Variants in DNAH2 observed in about 807,000 individuals in gnomAD.
DNAH2 encodes axonemal beta dynein heavy chain 2.
A neutral mutation model predicts 523.5 loss-of-function variants in DNAH2; 323 were observed. That is an observed-to-expected ratio of 0.62 (90% confidence interval 0.56 to 0.68). DNAH2 has a LOEUF of 0.68. DNAH2 is among the 30% of genes least tolerant of loss of function. The probability of loss-of-function intolerance (pLI) is 0.00; values close to 1 mark genes in which losing one functional copy is unlikely to be tolerated. For missense variants in DNAH2, 4,907 were observed against 5,701.5 expected (o/e 0.86, Z 4.49); for synonymous variants, 2,093 against 2,177.4 (o/e 0.96, Z 1.08).
In DNAH2 at chr17:7,832,034, A is replaced by C. The variant is rs918302146; in HGVS notation, c.12726+259A>C. 4.6e-5 allele frequency among the ~76,000 whole-genome samples: 7 copies of C among 152,032 alleles called. No homozygotes were observed. The highest frequency in any genetic ancestry group is 1.7e-4 in the African/African-American group (7 of 41,358). On this transcript the variant is annotated intron_variant, in intron 82 of 85. Coordinates refer to ENST00000572933, the MANE Select transcript of DNAH2 (RefSeq NM_020877.5). This position sits in a 1 kb window ranked among gnomAD's most constrained non-coding sequence, Gnocchi z 4.3. ...AGAGATTCCCAGTATTGTGCCTACCACTCAGTAGGTGCTTCATCAATGCTA... is the reference window on the plus strand; with the variant it reads ...AGAGATTCCCAGTATTGTGCCTACCCCTCAGTAGGTGCTTCATCAATGCTA...
chr17:7,810,516 G>A (rs1471936144), intron 63 of DNAH2, among the ~76,000 whole-genome samples: 1 of 152,090 alleles, frequency 6.6e-6, no homozygotes, highest in African/African-American at 2.4e-5. Flanking sequence ...AGCCTCCCGA[G>A]TAGCTGGGAT....
chr17:7,817,357 T>A lies in DNAH2; in HGVS notation c.9962T>A (p.Met3321Lys). 2 of 1,612,784 alleles carry A rather than the reference T, an allele frequency of 1.2e-6. No homozygotes were observed. Among genetic ancestry groups the A allele is most frequent in the Non-Finnish European group, 1.7e-6 (2 of 1,179,688 alleles). ...CTGGCAGCTGCCTTCCTGTCCTACA[T>A]GGGACCCTTCCTGACCAACTACCGG... ...CLLAAAFLSY[M>K]GPFLTNYRDE... is the part of the protein sequence containing the mutation. The change falls in exon 65 of 86, where the codon ATG becomes AAG. Residue 3321 changes from methionine to lysine, a missense_variant. Transcript: ENST00000572933.
rs150974332 is a variant in DNAH2, at chr17:7,818,937, C to T, written c.10689C>T (p.Thr3563=). 205 of 1,612,100 alleles carry T rather than the reference C, an allele frequency of 1.3e-4. No individual in the cohort carries two copies. The African/African-American group carries it at 1.4e-3, about 11-fold the overall frequency. The change falls in exon 71 of 86, where the codon ACC becomes ACT. Residue 3563 remains threonine, a synonymous_variant. Coordinates refer to ENST00000572933, the MANE Select transcript of DNAH2 (RefSeq NM_020877.5). The part of the protein sequence containing the change: ...DEILRLLNEA[T]GSLLDDVQLV... ...CCCCTAGGCTGCTGAATGAGGCCAC[C>T]GGCTCCCTGCTGGATGATGTGCAGC...
At position 7,828,839 on chromosome 17, in the gene DNAH2, TA is replaced by T. The variant is rs772478247; in HGVS notation, c.11854-1456del. Among the ~76,000 whole-genome samples, 31 of 152,216 alleles carry T rather than the reference TA, an allele frequency of 2.0e-4. No individual in the cohort carries two copies. The highest frequency in any genetic ancestry group is 3.7e-4 in the Non-Finnish European group (25 of 68,028). ...TCTTGATGTCATAAGTGGCATTTTT[TA>T]AAAAGTCATGTTATTTTTGTTACTG... On this transcript the variant is annotated intron_variant, in intron 77 of 85. Coordinates refer to ENST00000572933, the MANE Select transcript of DNAH2 (RefSeq NM_020877.5). This position sits in a 1 kb window ranked among gnomAD's most constrained non-coding sequence, Gnocchi z 4.1.
chr17:7,727,059 G>A, intron 3 of DNAH2, 63 bp from the exon 4 acceptor site: 4 of 1,468,406 alleles, frequency 2.7e-6, no homozygotes, highest in Non-Finnish European at 3.6e-6. Flanking sequence ...TGTGATTGTG[G>A]ATGGGAGGAA....
In DNAH2 at chr17:7,770,941, C is replaced by G. The variant is rs770818112; in HGVS notation, c.4362+8C>G. On this transcript the variant is annotated splice_region_variant and intron_variant, in intron 27 of 85. Transcript: ENST00000572933. Reference sequence around the variant, plus strand: ...CAGTGGATGTACTTAGAGGTCAGGACTCAGCGCCTGAGCTCTTCCTGCTTC... The same window carrying G: ...CAGTGGATGTACTTAGAGGTCAGGAGTCAGCGCCTGAGCTCTTCCTGCTTC... 3 of 1,612,136 alleles carry G rather than the reference C, an allele frequency of 1.9e-6. No homozygotes were observed. Among genetic ancestry groups the G allele is most frequent in the Non-Finnish European group, 2.5e-6 (3 of 1,179,310 alleles).
Position 7,780,975 on chromosome 17 carries a change from G to A in DNAH2, c.6004-67G>A. 1 of 1,609,996 alleles carries A rather than the reference G, an allele frequency of 6.2e-7. No individual in the cohort carries two copies. On this transcript the variant is annotated intron_variant, in intron 38 of 85. Transcript: ENST00000572933. The surrounding 1 kb of genome is among the most constrained non-coding windows in gnomAD (Gnocchi z 4.4). ...CATTGTTCTTGGCACGTGCCCCGAAGCCCTTTGGAGGTGAAAGGCCTAGGC... is the reference window on the plus strand; with the variant it reads ...CATTGTTCTTGGCACGTGCCCCGAAACCCTTTGGAGGTGAAAGGCCTAGGC...
intron 4 of DNAH2, among the ~76,000 whole-genome samples, chr17:7,728,752 A>G (rs1427527322): frequency 6.6e-6 from 1 of 152,192 alleles, no homozygotes; most frequent in Non-Finnish European, 1.5e-5. Context: ...CGGGAGGCCG[A>G]GGCAGGCTGA....
rs771081074 is a variant in DNAH2, at chr17:7,733,185, C to T, written c.498C>T (p.Pro166=). Residue 166 remains proline, a synonymous_variant, in exon 5 of 86, where the codon CCC becomes CCT. Coordinates refer to ENST00000572933, the MANE Select transcript of DNAH2 (RefSeq NM_020877.5). The part of the protein sequence containing the change: ...ATVQFGTVRG[P]YIPALLRLLG... ...TGCAGTTTGGGACGGTGCGGGGCCC[C>T]TATATCCCGGCCCTGCTTCGGCTGC... 5.6e-6 allele frequency: 9 copies of T among 1,614,064 alleles called. No homozygotes were observed. The highest frequency in any genetic ancestry group is 7.6e-6 in the Non-Finnish European group (9 of 1,180,042).
intron 16 of DNAH2, 33 bp downstream of exon 16, chr17:7,759,643 C>T (rs982202942): frequency 6.2e-7 from 1 of 1,605,816 alleles, no homozygotes; most frequent in African/African-American, 1.3e-5. Flanking sequence ...CATCTCAAAA[C>T]CATTGCATCT....
intron 3 of DNAH2, among the ~76,000 whole-genome samples, chr17:7,725,934 G>C (rs924345816): frequency 3.9e-5 from 6 of 151,928 alleles, no homozygotes; most frequent in African/African-American, 1.5e-4. Flanking sequence ...CTTCTTCCAG[G>C]AGGAAAGATG....
At chr17:7,795,865 G>A (rs1305958759) in intron 49 of DNAH2, among the ~76,000 whole-genome samples, 4 of 147,696 alleles carry the variant, frequency 2.7e-5, no homozygotes, top group Non-Finnish European at 4.5e-5. Context: ...GGGCGTGGTG[G>A]TGGACACCTG....
chr17:7,818,723 C>T lies in DNAH2; in HGVS notation c.10617C>T (p.Ile3539=), dbSNP rs759458468. ...ELEEQKDSLV[I]NIAAGKRKLK... ...AGGAGCAGAAGGACTCACTGGTCATCAACATCGCGGCTGGTAAAAGGAAGC... is the reference window on the plus strand; with the variant it reads ...AGGAGCAGAAGGACTCACTGGTCATTAACATCGCGGCTGGTAAAAGGAAGC... Residue 3539 remains isoleucine, a synonymous_variant, in exon 70 of 86, where the codon ATC becomes ATT. Coordinates refer to ENST00000572933, the MANE Select transcript of DNAH2 (RefSeq NM_020877.5). 3 of 1,613,978 alleles carry T rather than the reference C, an allele frequency of 1.9e-6. No homozygotes were observed. In the African/African-American group the frequency reaches 4.0e-5, roughly 22 times the overall value.
intron 58 of DNAH2, 33 bp from the exon 59 acceptor site, chr17:7,804,223 C>A (rs1235805166): frequency 6.2e-7 from 1 of 1,610,614 alleles, no homozygotes; most frequent in South Asian, 1.1e-5. Context: ...GGAAGCCCCG[C>A]CTCTCCACAC....
At chr17:7,751,148 T>C (rs1306992561) in intron 12 of DNAH2, among the ~76,000 whole-genome samples, 1 of 149,744 alleles carries the variant, frequency 6.7e-6, no homozygotes, top group Non-Finnish European at 1.5e-5. Flanking sequence ...TATTTATTTA[T>C]TCATTTTTTT....
chr17:7,760,937 G>A lies in DNAH2; in HGVS notation c.2978+5G>A. On this transcript the variant is annotated splice_donor_5th_base_variant and intron_variant, in intron 18 of 85. Coordinates refer to ENST00000572933, the MANE Select transcript of DNAH2 (RefSeq NM_020877.5). This position sits in a 1 kb window ranked among gnomAD's most constrained non-coding sequence, Gnocchi z 4.0. ...TTTTGTTGCCGACATTGCCCGGTGA[G>A]TGGTGAGGGTGGATTGAAAGTCTGT... 1.2e-6 allele frequency: 2 copies of A among 1,613,614 alleles called. 1 individual carries two copies. Among genetic ancestry groups the A allele is most frequent in the South Asian group, 2.2e-5 (2 of 91,030 alleles).
chr17:7,736,724 G>C (rs1427386849), intron 7 of DNAH2, among the ~76,000 whole-genome samples: 1 of 152,186 alleles, frequency 6.6e-6, no homozygotes, highest in Non-Finnish European at 1.5e-5. Context: ...GCTCACGCCT[G>C]TAATCCCAGC....
chr17:7,799,675 G>A (rs1451141163), intron 56 of DNAH2, among the ~76,000 whole-genome samples: 1 of 152,098 alleles, frequency 6.6e-6, no homozygotes, highest in Non-Finnish European at 1.5e-5. Context: ...AATTAGCCAG[G>A]CATGGTGGCG....
At chr17:7,770,194 A>G in intron 24 of DNAH2, 58 bp from the exon 25 acceptor site, 1 of 1,515,724 alleles carries the variant, frequency 6.6e-7, no homozygotes, top group Non-Finnish European at 8.8e-7. Flanking sequence ...CCAGTGGGAG[A>G]CAGCAATGGA....
Sources: gnomAD v4.1 joint callset for allele counts (sites outside exome capture counted in the v4.1 genomes callset) on GRCh38, gnomAD v4.1.1 for gene constraint, Gnocchi (gnomAD v3.1) non-coding constraint, MANE v1.5 for transcripts, NCBI Gene and HGNC (gene_info 2026-07-23, HGNC 2026-07-21) for gene names.